NCAPG2: variants seen among roughly 807,000 people sequenced by gnomAD.
NCAPG2 encodes condensin-2 complex subunit G2.
A neutral mutation model predicts 141.1 loss-of-function variants in NCAPG2; 53 were observed. That is an observed-to-expected ratio of 0.38 (90% CI 0.30 to 0.47). The LOEUF (loss-of-function observed/expected upper bound fraction) is 0.47, where lower values mean the gene tolerates loss of function less well. NCAPG2 is among the 20% of genes least tolerant of loss of function. The pLI is 0.99. For synonymous variants in NCAPG2, 499 were observed against 490.7 expected, an observed-to-expected ratio of 1.02 and a Z score of -0.22; for missense variants, 1,087 against 1,389.0, an observed-to-expected ratio of 0.78 and a Z score of 3.46.
intron 13 of NCAPG2, chr7:158,668,545 G>C (rs1484455168): frequency 1.6e-6 from 1 of 619,078 alleles, no homozygotes. Flanking sequence ...AAAATAGTCC[G>C]GCAGTGTGGC....
chr7:158,672,500 G>A (rs1391817572), intron 12 of NCAPG2, among the ~76,000 whole-genome samples: 9 of 150,614 alleles, frequency 6.0e-5, no homozygotes, highest in Non-Finnish European at 1.0e-4. Flanking sequence ...CCGCCACCAC[G>A]CCTGGCTAAT....
At chr7:158,661,892 C>T (rs559699524) in intron 16 of NCAPG2, among the ~76,000 whole-genome samples, 1 of 152,256 alleles carries the variant, frequency 6.6e-6, no homozygotes, top group Admixed American at 6.5e-5. Context: ...TTCTTAAACC[C>T]CTGCAAATCA....
chr7:158,654,875 G>A, intron 21 of NCAPG2, 181 bp from the exon 22 acceptor site: 1 of 1,256,070 alleles, frequency 8.0e-7, no homozygotes. Context: ...GAAATCTAGA[G>A]ACATATTTTA....
intron 12 of NCAPG2, among the ~76,000 whole-genome samples, chr7:158,672,292 GTATATATATATATATATATATA>G (rs1563549335): frequency 1.8e-4 from 5 of 27,228 alleles, no homozygotes; most frequent in Middle Eastern, 0.028. Context: ...GTGTGTGTGT[GTATATATATATATATATATATA>G]TATATATATA....
chr7:158,638,623 C>T (rs1830444042), intron 27 of NCAPG2, among the ~76,000 whole-genome samples: 1 of 152,140 alleles, frequency 6.6e-6, no homozygotes, highest in Non-Finnish European at 1.5e-5. Context: ...CAAGAACATA[C>T]AGCAGTTCTA....
At chr7:158,631,973 C>T (rs982193625) in intron 27 of NCAPG2, among the ~76,000 whole-genome samples, 2 of 152,292 alleles carry the variant, frequency 1.3e-5, no homozygotes, top group African/African-American at 4.8e-5. Context: ...GGCAATGAAA[C>T]GTGCTCACTG....
chr7:158,652,557 AC>A, intron 22 of NCAPG2, 77 bp from the exon 23 acceptor site: 1 of 1,164,420 alleles, frequency 8.6e-7, no homozygotes, highest in Non-Finnish European at 1.2e-6. Flanking sequence ...CTCACTTAAC[AC>A]ATGTATAAAA....
intron 13 of NCAPG2, 198 bp from the exon 14 acceptor site, chr7:158,664,948 CT>C (rs1235528853): frequency 1.8e-6 from 1 of 558,078 alleles, no homozygotes; most frequent in Non-Finnish European, 3.1e-6. Context: ...TTTAAAAGTA[CT>C]GTTATATAAG....
At chr7:158,700,966 T>C (rs961321829) in intron 2 of NCAPG2, among the ~76,000 whole-genome samples, 2 of 152,188 alleles carry the variant, frequency 1.3e-5, no homozygotes, top group African/African-American at 4.8e-5. Flanking sequence ...CCAACCTGTC[T>C]CTAGCTCAGC....
rs547590626 is a variant in NCAPG2, at chr7:158,670,290, G to A, written c.1479+1224C>T. 2.0e-5 allele frequency among the ~76,000 whole-genome samples: 3 copies of A among 152,302 alleles called. No homozygotes were observed. In the South Asian group the frequency reaches 6.2e-4, roughly 32 times the overall value. On this transcript the variant is annotated intron_variant, in intron 13 of 27. Transcript: ENST00000356309. ...TGACAAGATCCCCATCATTGGCTGG[G>A]CACGGTGGCTCACACCTGTAATCCC... is the stretch of plus-strand genomic sequence containing the variant.
At chr7:158,642,857 T>C (rs145512360) in intron 27 of NCAPG2, among the ~76,000 whole-genome samples, 44 of 152,214 alleles carry the variant, frequency 2.9e-4, no homozygotes, top group Middle Eastern at 3.4e-3. Context: ...TCAGTAAAAA[T>C]TGATAAACCT....
rs567875836 is a variant in NCAPG2 at position 158,669,768 on chromosome 7, CAAAAAAAAAA to C, written c.1479+1736_1479+1745del. On this transcript the variant is annotated intron_variant, in intron 13 of 27. Transcript: ENST00000356309. The stretch of plus-strand genomic sequence containing the variant: ...TGGGTGACAGAGCGAGACTCTGTCT[CAAAAAAAAAA>C]AAAAAAAAAAAAAAAAAATTGACAT... 6.3e-4 allele frequency among the ~76,000 whole-genome samples: 34 copies of C among 53,686 alleles called. 2 individuals carry two copies. The highest frequency in any genetic ancestry group is 4.7e-3 in the Admixed American group (15 of 3,174). 35.2% of individuals were successfully genotyped at this position (53,686 alleles called of 152,430 possible). A position where few individuals can be genotyped will look rare whatever the true frequency, so the allele number is the denominator to read the frequency against.
At chr7:158,699,926 G>GTTATTTATTTAT (rs146349286) in intron 2 of NCAPG2, among the ~76,000 whole-genome samples, 96 of 151,542 alleles carry the variant, frequency 6.3e-4, no homozygotes, top group Middle Eastern at 3.4e-3. Context: ...ATCTCTCTGG[G>GTTATTTATTTAT]TTATTTATTT....
At position 158,668,416 on chromosome 7, in the gene NCAPG2, G is replaced by C. The variant is rs1365901557; in HGVS notation, c.1479+3098C>G. The stretch of plus-strand genomic sequence containing the variant: ...CTTACCTATTACTGTTTTCTGTTTT[G>C]TTTTACTGAAGAGTTATTCTTTTTT... On this transcript the variant is annotated intron_variant, in intron 13 of 27. Transcript: ENST00000356309. 4 of 982,032 alleles carry C rather than the reference G, an allele frequency of 4.1e-6. No homozygotes were observed. The East Asian group carries it at 3.4e-4, about 84-fold the overall frequency. The allele number at this position is 982,032 out of a possible 1,614,324, so 60.8% of individuals were successfully genotyped here.
Position 158,654,193 on chromosome 7 carries a change from G to A in NCAPG2, c.2746+402C>T, listed in dbSNP as rs111418831. Among the ~76,000 whole-genome samples the A allele has an allele frequency of 4.7e-4, 72 of 152,264 alleles. 2 individuals are homozygous for A. The highest frequency in any genetic ancestry group is 1.3e-3 in the African/African-American group (56 of 41,536). ...TTTCCCTGTGGTAACAGCAACTTCC[G>A]GGGGTCCTGGTGGGGTACCACCCAA... On this transcript the variant is annotated intron_variant, in intron 22 of 27. Transcript: ENST00000356309.
At chr7:158,677,726 C>T (rs1047425877) in intron 11 of NCAPG2, among the ~76,000 whole-genome samples, 1 of 152,306 alleles carries the variant, frequency 6.6e-6, no homozygotes, top group African/African-American at 2.4e-5. Context: ...TTTGCAATTA[C>T]ACCATCACCA....
intron 23 of NCAPG2, among the ~76,000 whole-genome samples, chr7:158,651,762 A>G (rs113365995): frequency 1.1e-3 from 162 of 152,340 alleles, no homozygotes; most frequent in African/African-American, 3.8e-3. Flanking sequence ...GGGCCCCTTC[A>G]AGGTCTGTGA....
chr7:158,690,558 G>C lies in NCAPG2; in HGVS notation c.537+10C>G, dbSNP rs755948933. On this transcript the variant is annotated intron_variant, in intron 5 of 27. Coordinates refer to ENST00000356309, the MANE Select transcript of NCAPG2 (RefSeq NM_017760.7). ...GACCCTGTCTTTAAAAAAATAAAAA[G>C]TGAGCATACTGTCTTAGTCTCCAGA... 1.9e-6 allele frequency: 3 copies of C among 1,611,572 alleles called. No individual in the cohort carries two copies. The South Asian group carries it at 3.3e-5, about 18-fold the overall frequency.
chr7:158,692,269 T>A (rs909946146), intron 4 of NCAPG2, among the ~76,000 whole-genome samples: 3 of 152,150 alleles, frequency 2.0e-5, no homozygotes, highest in Non-Finnish European at 4.4e-5. Flanking sequence ...TTCATGTCAC[T>A]GCACTTCAGC....
Sources: allele counts gnomAD v4.1 joint callset (sites outside exome capture counted in the v4.1 genomes callset), GRCh38; gene constraint gnomAD v4.1.1; transcripts MANE v1.5; gene names NCBI Gene and HGNC (gene_info 2026-07-23, HGNC 2026-07-21).